The following TSNARE1 variants were observed in gnomAD, a reference collection of about 807,000 sequenced individuals.
The protein encoded by TSNARE1 is t-SNARE domain-containing protein 1.
TSNARE1 carries 49 observed loss-of-function variants against 62.0 expected under a neutral mutation model. The observed-to-expected ratio is 0.79, with a 90% CI of 0.63 to 1.00. The LOEUF (loss-of-function observed/expected upper bound fraction) is 1.00. Among genes scored for constraint, TSNARE1 ranks in the 50% least tolerant of loss-of-function variants. The pLI, the probability that TSNARE1 is intolerant of heterozygous loss-of-function variation, is 0.00. For missense variants in TSNARE1, 755 were observed against 700.1 expected (o/e 1.08, Z -0.88); for synonymous variants, 328 against 294.4 (o/e 1.11, Z -1.17).
chr8:142,283,367 G>T (rs1246552612), intron 11 of TSNARE1, among the ~76,000 whole-genome samples: 3 of 147,024 alleles, frequency 2.0e-5, no homozygotes, highest in African/African-American at 7.5e-5. Flanking sequence ...CGGAGGTGGG[G>T]CCAGTGTCTG....
chr8:142,280,426 C>A, intron 11 of TSNARE1: 1 of 699,402 alleles, frequency 1.4e-6, no homozygotes, highest in Non-Finnish European at 1.8e-6. Flanking sequence ...TGCACAGCGG[C>A]CAGGCCTCGC....
At chr8:142,375,322 C>A (rs900097611) in intron 1 of TSNARE1, among the ~76,000 whole-genome samples, 1 of 152,242 alleles carries the variant, frequency 6.6e-6, no homozygotes, top group African/African-American at 2.4e-5. Flanking sequence ...GGACAGAGAG[C>A]AGCAGTGGAG....
chr8:142,236,973 A>T (rs1817459724), intron 12 of TSNARE1, among the ~76,000 whole-genome samples: 1 of 152,176 alleles, frequency 6.6e-6, no homozygotes, highest in Admixed American at 6.5e-5. Context: ...GTGACTTCTG[A>T]GTCCAGACCT....
chr8:142,305,022 C>T (rs1041550642), intron 9 of TSNARE1, among the ~76,000 whole-genome samples: 1 of 152,172 alleles, frequency 6.6e-6, no homozygotes, highest in African/African-American at 2.4e-5. Flanking sequence ...GGCTGGTGTG[C>T]CCGAGGACGG....
upstream of TSNARE1, chr8:142,403,328 G>A (rs1422983737): frequency 6.6e-6 from 1 of 151,984 alleles, no homozygotes; most frequent in South Asian, 2.1e-4. Flanking sequence ...GGGCCAAGAG[G>A]CCTCTGCGGG....
rs1819755614 is a variant in TSNARE1 at position 142,272,598 on chromosome 8, A to G, written c.1446+2183T>C. On this transcript the variant is annotated intron_variant, in intron 12 of 13. Coordinates refer to ENST00000524325, the MANE Select transcript of TSNARE1 (RefSeq NM_145003.5). ...CGTCTACACCTTCCTCCTTCCATCC[A>G]CCCACCCATCTACACCTTCCTCCTT... 5.7e-6 allele frequency: 3 copies of G among 525,008 alleles called. 1 individual carries two copies. The South Asian group carries it at 2.9e-4, about 51-fold the overall frequency. The allele number at this position is 525,008 out of a possible 1,614,324, so 32.5% of individuals were successfully genotyped here. A position where few individuals can be genotyped will look rare whatever the true frequency, so the allele number is the denominator to read the frequency against.
At chr8:142,277,589 C>T (rs563537236) in intron 11 of TSNARE1, 3 of 985,446 alleles carry the variant, frequency 3.0e-6, no homozygotes, top group Non-Finnish European at 3.6e-6. Flanking sequence ...CCTGCCTCTG[C>T]GCCCACAAGA....
intron 11 of TSNARE1, chr8:142,277,022 T>TG: frequency 1.9e-5 from 19 of 985,362 alleles, no homozygotes; most frequent in Non-Finnish European, 2.2e-5. Context: ...GTGTTGCTCG[T>TG]GGGGTGAGGA....
At chr8:142,344,578 C>T in intron 3 of TSNARE1, 106 bp from the exon 4 acceptor site, 1 of 1,220,854 alleles carries the variant, frequency 8.2e-7, no homozygotes, top group Non-Finnish European at 1.1e-6. Flanking sequence ...TGCTTCAGGA[C>T]ACGGCTGCCT....
In TSNARE1 at chr8:142,271,060, T is replaced by G. The variant is rs1819483198; in HGVS notation, c.1446+3721A>C. ...GACTGGAGGCCCTGCTCCTGCCCTT[T>G]GGCTCTGCCAGCACCCCCGACCAGC... On this transcript the variant is annotated intron_variant, in intron 12 of 13. Coordinates refer to ENST00000524325, the MANE Select transcript of TSNARE1 (RefSeq NM_145003.5). 1.1e-5 allele frequency: 11 copies of G among 985,962 alleles called. No individual in the cohort carries two copies. The South Asian group carries it at 5.2e-4, about 46-fold the overall frequency. 61.1% of individuals were successfully genotyped at this position (985,962 alleles called of 1,614,324 possible).
intron 12 of TSNARE1, chr8:142,271,373 CAGG>C: frequency 8.2e-7 from 1 of 1,220,748 alleles, no homozygotes; most frequent in Non-Finnish European, 1.0e-6. Flanking sequence ...CTGCTGGGCC[CAGG>C]AGGACAGCAG....
At chr8:142,334,109 C>T (rs1441358480) in intron 4 of TSNARE1, among the ~76,000 whole-genome samples, 2 of 152,260 alleles carry the variant, frequency 1.3e-5, no homozygotes, top group Non-Finnish European at 2.9e-5. Context: ...GTGCCAATCA[C>T]TGAATTTTGG....
At chr8:142,367,310 C>T (rs549008017) in intron 1 of TSNARE1, among the ~76,000 whole-genome samples, 48 of 152,294 alleles carry the variant, frequency 3.2e-4, no homozygotes, top group Middle Eastern at 6.8e-3. Context: ...ACTGGGAAAA[C>T]GCTAAACAAA....
intron 1 of TSNARE1, among the ~76,000 whole-genome samples, chr8:142,361,711 A>G (rs868116942): frequency 9.2e-5 from 14 of 152,176 alleles, no homozygotes; most frequent in Admixed American, 7.9e-4. Flanking sequence ...AGTGGAACAC[A>G]TGCTACCTTC....
At chr8:142,292,982 C>T (rs533405746) in intron 10 of TSNARE1, among the ~76,000 whole-genome samples, 1 of 152,124 alleles carries the variant, frequency 6.6e-6, no homozygotes, top group African/African-American at 2.4e-5. Flanking sequence ...AGTGGGGGGG[C>T]CACGTGTCAG....
chr8:142,315,007 T>C lies in TSNARE1; in HGVS notation c.1070A>G (p.Gln357Arg). Residue 357 changes from glutamine to arginine, a missense_variant, in exon 8 of 14, where the codon CAG becomes CGG. Physicochemically the swap from Gln to Arg is conservative, Grantham distance 43. Coordinates refer to ENST00000524325, the MANE Select transcript of TSNARE1 (RefSeq NM_145003.5). The part of the protein sequence containing the change: ...SDAIQCYGVV[Q>R]KKIAEKSRAL... ...CTGCCCCCACCAGCACCTCACCTTC[T>C]GCACCACTCCATAGCACTGAATGGC... 1 of 1,614,104 alleles carries C rather than the reference T, an allele frequency of 6.2e-7. No individual in the cohort carries two copies. The highest frequency in any genetic ancestry group is 8.5e-7 in the Non-Finnish European group (1 of 1,179,988).
intron 12 of TSNARE1, among the ~76,000 whole-genome samples, chr8:142,237,085 G>A (rs891164950): frequency 1.3e-5 from 2 of 152,184 alleles, no homozygotes; most frequent in East Asian, 1.9e-4. Flanking sequence ...CGGGGTGGGC[G>A]GGTAGCCTGG....
At chr8:142,401,607 G>A (rs1257981713) in intron 1 of TSNARE1, among the ~76,000 whole-genome samples, 1 of 152,114 alleles carries the variant, frequency 6.6e-6, no homozygotes, top group Non-Finnish European at 1.5e-5. Context: ...TCTACAGAAG[G>A]CCAGACTCAG....
chr8:142,273,843 C>T (rs1413201175), intron 12 of TSNARE1: 1 of 985,308 alleles, frequency 1.0e-6, no homozygotes, highest in African/African-American at 1.7e-5. Flanking sequence ...TGAGGACCCT[C>T]TGCGGGCACA....
Sources: allele counts gnomAD v4.1 joint callset (sites outside exome capture counted in the v4.1 genomes callset), GRCh38; gene constraint gnomAD v4.1.1; transcripts MANE v1.5; gene names NCBI Gene and HGNC (gene_info 2026-07-23, HGNC 2026-07-21).